Variants in SSUH2 observed in about 807,000 individuals in gnomAD.
The protein encoded by SSUH2 is ssu-2 homolog.
Under a neutral mutation model 55.3 loss-of-function variants are expected in SSUH2, and 47 were observed. The ratio of observed to expected loss-of-function variants is 0.85; its 90% confidence interval spans 0.67 to 1.08. SSUH2 has a LOEUF of 1.08. SSUH2 is among the 50% of genes least tolerant of loss of function. The pLI, the probability that SSUH2 is intolerant of heterozygous loss-of-function variation, is 0.00. For missense variants in SSUH2, 535 were observed against 490.7 expected (o/e 1.09, Z -0.85); for synonymous variants, 212 against 191.5 (o/e 1.11, Z -0.89).
At chr3:8,638,946 G>A (rs1005888463) in intron 1 of SSUH2, among the ~76,000 whole-genome samples, 3 of 152,148 alleles carry the variant, frequency 2.0e-5, no homozygotes, top group African/African-American at 4.8e-5. Flanking sequence ...AAACAAAAGG[G>A]GCAGGAAGTG....
rs746581549 is a variant in SSUH2 at position 8,632,042 on chromosome 3, C to A, written c.400+7G>T. ...CCAGTTAAACTAATTTCAGACAATTCACTTACTAGTAAAGGGTTGAAATGT... is the reference window on the plus strand; with the variant it reads ...CCAGTTAAACTAATTTCAGACAATTAACTTACTAGTAAAGGGTTGAAATGT... On this transcript the variant is annotated splice_region_variant and intron_variant, in intron 5 of 11. Transcript: ENST00000544814. 1.9e-6 allele frequency: 3 copies of A among 1,612,540 alleles called. No individual in the cohort carries two copies. The African/African-American group carries it at 4.0e-5, about 22-fold the overall frequency.
chr3:8,619,928 G>T lies in SSUH2; in HGVS notation c.1068C>A (p.Asp356Glu), dbSNP rs753312050. ...KTYVYYIYGT[D>E]HQVYAVDYPE... is the part of the protein sequence containing the mutation. ...GATAGTCCACCGCATACACCTGGTG[G>T]TCAGTGCCATAGATGTAGTAGACAT... The change falls in exon 12 of 12, where the codon GAC becomes GAA. Residue 356 changes from aspartate (D) to glutamate (E), a missense_variant. Asp to Glu is a conservative substitution (Grantham distance 45). Transcript: ENST00000544814. The T allele has an allele frequency of 1.2e-6, 2 of 1,614,110 alleles. No homozygotes were observed. Among genetic ancestry groups the T allele is most frequent in the Non-Finnish European group, 1.7e-6 (2 of 1,180,032 alleles).
At chr3:8,656,579 C>T (rs569767143) in intron 7 of SSUH2, among the ~76,000 whole-genome samples, 25 of 152,136 alleles carry the variant, frequency 1.6e-4, no homozygotes, top group Non-Finnish European at 3.1e-4. Context: ...GGGGACACGA[C>T]GGGGAGCGAG....
At chr3:8,629,408 G>A in intron 7 of SSUH2, 1 of 542,868 alleles carries the variant, frequency 1.8e-6, no homozygotes, top group East Asian at 3.1e-5. Context: ...GGTATTCAGT[G>A]TATGTTGGTA....
chr3:8,662,866 A>T (rs1422404405), intron 6 of SSUH2, among the ~76,000 whole-genome samples: 1 of 152,254 alleles, frequency 6.6e-6, no homozygotes, highest in Non-Finnish European at 1.5e-5. Flanking sequence ...CTCCAGTGGT[A>T]CTGACTTGGG....
At chr3:8,631,645 GT>G (rs920385871) in intron 5 of SSUH2, among the ~76,000 whole-genome samples, 28 of 152,230 alleles carry the variant, frequency 1.8e-4, no homozygotes, top group Non-Finnish European at 3.8e-4. Context: ...TAGGCCTCCA[GT>G]GGGGGCTCAG....
At chr3:8,621,936 C>T (rs73812729) in intron 11 of SSUH2, among the ~76,000 whole-genome samples, 105 of 152,056 alleles carry the variant, frequency 6.9e-4, no homozygotes, top group African/African-American at 2.5e-3. Context: ...CCCACAACCC[C>T]CGCAATCCCC....
Position 8,632,147 on chromosome 3 carries a change from C to T in SSUH2, c.340-38G>A, listed in dbSNP as rs73015923. 3.5e-3 allele frequency: 5,457 copies of T among 1,554,178 alleles called. 30 individuals carry two copies. Among genetic ancestry groups the T allele is most frequent in the Non-Finnish European group, 3.3e-3 (3,737 of 1,125,564 alleles). ...AAACAGCATGTTCACACTCGTGCCCCTTATGAAGACAGAGCATTATGCAAA... is the reference window on the plus strand; with the variant it reads ...AAACAGCATGTTCACACTCGTGCCCTTTATGAAGACAGAGCATTATGCAAA... On this transcript the variant is annotated intron_variant, in intron 4 of 11. Transcript: ENST00000544814.
At chr3:8,675,166 C>T (rs1373952569) in intron 3 of SSUH2, among the ~76,000 whole-genome samples, 3 of 152,160 alleles carry the variant, frequency 2.0e-5, no homozygotes, top group African/African-American at 2.4e-5. Context: ...GGGTTTGCTG[C>T]CAGCTGAGGA....
chr3:8,658,191 T>C (rs1320733990), intron 7 of SSUH2, among the ~76,000 whole-genome samples: 4 of 152,210 alleles, frequency 2.6e-5, no homozygotes, highest in Non-Finnish European at 5.9e-5. Flanking sequence ...GATGACGACA[T>C]GTGTAAGCAG....
At chr3:8,636,788 T>C (rs1227143846) in intron 1 of SSUH2, among the ~76,000 whole-genome samples, 1 of 152,200 alleles carries the variant, frequency 6.6e-6, no homozygotes, top group Non-Finnish European at 1.5e-5. Flanking sequence ...GCACATCTAA[T>C]GCCATCTTGG....
chr3:8,643,991 C>T (rs1701311374), intron 1 of SSUH2, among the ~76,000 whole-genome samples: 1 of 150,828 alleles, frequency 6.6e-6, no homozygotes, highest in South Asian at 2.2e-4. Flanking sequence ...CCTCCCCACT[C>T]CCCGCCACCG....
intron 7 of SSUH2, among the ~76,000 whole-genome samples, chr3:8,652,411 G>A (rs182288356): frequency 4.8e-4 from 73 of 152,248 alleles, no homozygotes; most frequent in Non-Finnish European, 1.3e-4. Flanking sequence ...GTCACTAATA[G>A]CAGCTGCCTT....
rs759963785 is a variant in SSUH2, at chr3:8,619,994, G to T, written c.1002C>A (p.Ile334=). The T allele has an allele frequency of 1.1e-5, 17 of 1,614,000 alleles. No homozygotes were observed. Among genetic ancestry groups the T allele is most frequent in the African/African-American group, 4.0e-5 (3 of 74,920 alleles). Residue 334 remains isoleucine (I), a synonymous_variant, in exon 12 of 12, where the codon ATC becomes ATA. Transcript: ENST00000544814. ...VLQQRQTIEL[I]PLTEVHYWYQ... The stretch of plus-strand genomic sequence containing the variant: ...ACCAATAGTGAACTTCTGTGAGGGG[G>T]ATCAGCTCAATGGTCTGGCGCTGAG...
intron 5 of SSUH2, chr3:8,664,027 G>A (rs1350758972): frequency 5.9e-6 from 2 of 340,378 alleles, no homozygotes; most frequent in Non-Finnish European, 1.2e-5. Flanking sequence ...TTTCTCTCCC[G>A]GCCCATGTCA....
rs751273028 is a variant in SSUH2, at chr3:8,620,043, T to G, written c.982-29A>C. On this transcript the variant is annotated intron_variant, in intron 11 of 11. Transcript: ENST00000544814. ...AGGAAACAAATAGCCAAGGAAAATG[T>G]CAGTGTTCTGTTCAAGTCACTCACC... The G allele has an allele frequency of 2.5e-6, 4 of 1,611,752 alleles. No individual in the cohort carries two copies. The Admixed American group carries it at 6.7e-5, about 27-fold the overall frequency.
rs77564382 is a variant in SSUH2, at chr3:8,666,617, A to C, written c.-454-2815T>G. 6.7e-3 allele frequency among the ~76,000 whole-genome samples: 1,027 copies of C among 152,310 alleles called. 9 individuals carry two copies. The highest frequency in any genetic ancestry group is 0.024 in the African/African-American group (978 of 41,560). On this transcript the variant is annotated intron_variant, in intron 5 of 18. Transcript: ENST00000317371. ...GCAACAATCATCAACACAGAAGATG[A>C]CATCTGTGACCAAATGTAGGCAGGG...
intron 1 of SSUH2, among the ~76,000 whole-genome samples, chr3:8,641,093 C>T (rs529907046): frequency 6.6e-6 from 1 of 152,190 alleles, no homozygotes; most frequent in African/African-American, 2.4e-5. Context: ...AGCGGCACCA[C>T]TGGGCACCCC....
chr3:8,628,777 C>T (rs940427665), intron 7 of SSUH2, among the ~76,000 whole-genome samples: 1 of 152,202 alleles, frequency 6.6e-6, no homozygotes, highest in Non-Finnish European at 1.5e-5. Context: ...TCCAGAAGAA[C>T]CAGCCTAGCC....
Sources: allele counts gnomAD v4.1 joint callset (sites outside exome capture counted in the v4.1 genomes callset), GRCh38; gene constraint gnomAD v4.1.1; transcripts MANE v1.5; gene names NCBI Gene and HGNC (gene_info 2026-07-23, HGNC 2026-07-21).